ADGRV1: variants seen among roughly 807,000 people sequenced by gnomAD.
ADGRV1 encodes G-protein coupled receptor 98.
Under a neutral mutation model 596.2 loss-of-function variants are expected in ADGRV1, and 359 were observed. That is an observed-to-expected ratio of 0.60 (90% CI 0.55 to 0.66). The LOEUF is 0.66. Among genes scored for constraint, ADGRV1 ranks in the 30% least tolerant of loss-of-function variants. The probability of loss-of-function intolerance (pLI) is 0.00; values close to 1 mark genes in which losing one functional copy is unlikely to be tolerated. For synonymous variants in ADGRV1, 2,681 were observed against 2,679.2 expected (o/e 1.00, Z -0.02); for missense variants, 7,274 against 7,575.6 (o/e 0.96, Z 1.48).
At chr5:90,930,189 G>C (rs539434698) in intron 83 of ADGRV1, among the ~76,000 whole-genome samples, 11 of 152,206 alleles carry the variant, frequency 7.2e-5, no homozygotes, top group African/African-American at 2.4e-4. Flanking sequence ...TGATTTTGCT[G>C]CAACAGCCTC....
In ADGRV1 at chr5:90,781,588, G is replaced by A; in HGVS notation, c.13231+10G>A. On this transcript the variant is annotated intron_variant, in intron 65 of 89. Coordinates refer to ENST00000405460, the MANE Select transcript of ADGRV1 (RefSeq NM_032119.4). Reference sequence around the variant, plus strand: ...TATACTGCCTTCGAAGGTAGGTTCAGTCAGCTAGCTTGTAAGTAAGTTTAC... The same window carrying A: ...TATACTGCCTTCGAAGGTAGGTTCAATCAGCTAGCTTGTAAGTAAGTTTAC... The A allele has an allele frequency of 1.9e-6, 3 of 1,591,572 alleles. No homozygotes were observed. Among genetic ancestry groups the A allele is most frequent in the Non-Finnish European group, 2.6e-6 (3 of 1,167,200 alleles).
chr5:91,071,135 A>C (rs1461080392), intron 85 of ADGRV1, among the ~76,000 whole-genome samples: 1 of 152,096 alleles, frequency 6.6e-6, no homozygotes, highest in Non-Finnish European at 1.5e-5. Context: ...AGGAAATAGA[A>C]AGGGAGAGAA....
intron 87 of ADGRV1, among the ~76,000 whole-genome samples, chr5:91,149,011 T>C (rs1348794787): frequency 6.6e-6 from 1 of 152,228 alleles, no homozygotes; most frequent in African/African-American, 2.4e-5. Context: ...AATGGGTGTA[T>C]TTACCCAATG....
At chr5:90,579,408 G>T (rs1757677969) in intron 1 of ADGRV1, among the ~76,000 whole-genome samples, 1 of 152,156 alleles carries the variant, frequency 6.6e-6, no homozygotes, top group African/African-American at 2.4e-5. Flanking sequence ...CCATGTAGTT[G>T]TGTGGTTTTG....
chr5:90,864,405 G>A (rs998184820), intron 83 of ADGRV1, among the ~76,000 whole-genome samples: 2 of 152,108 alleles, frequency 1.3e-5, no homozygotes, highest in Non-Finnish European at 2.9e-5. Context: ...ACAGAAACCA[G>A]AACAAAAGAT....
rs749570754 is a variant in ADGRV1 at position 90,810,632 on chromosome 5, A to G, written c.15372A>G (p.Ile5124Met). The change falls in exon 74 of 90, where the codon ATA (isoleucine) becomes ATG (methionine). Residue 5124 changes from isoleucine (I) to methionine (M), a missense_variant. By Grantham distance (10) the Ile-to-Met change is conservative (BLOSUM62 1). Transcript: ENST00000405460. ...ATTTCAGTGTTGCAGTGATTACAATATTGGATAATGATGACCTGGCAGGAA... is the reference window on the plus strand; with the variant it reads ...ATTTCAGTGTTGCAGTGATTACAATGTTGGATAATGATGACCTGGCAGGAA... ...NLDFSVAVIT[I>M]LDNDDLAGMD... 1.2e-6 allele frequency: 2 copies of G among 1,613,962 alleles called. No individual in the cohort carries two copies. Among genetic ancestry groups the G allele is most frequent in the African/African-American group, 1.3e-5 (1 of 75,036 alleles).
intron 83 of ADGRV1, among the ~76,000 whole-genome samples, chr5:90,886,642 T>C (rs1374655794): frequency 6.6e-6 from 1 of 152,204 alleles, no homozygotes; most frequent in East Asian, 1.9e-4. Context: ...TGGTCTTATA[T>C]ACTCTGTTGC....
At chr5:91,101,873 C>T (rs949703561) in intron 86 of ADGRV1, among the ~76,000 whole-genome samples, 5 of 152,176 alleles carry the variant, frequency 3.3e-5, no homozygotes, top group African/African-American at 1.2e-4. Flanking sequence ...ATTTCGGGAG[C>T]ACACTACTGC....
chr5:90,700,721 C>T (rs1049958763), intron 34 of ADGRV1, among the ~76,000 whole-genome samples: 7 of 152,084 alleles, frequency 4.6e-5, no homozygotes, highest in African/African-American at 9.7e-5. Flanking sequence ...TATATAGAAC[C>T]GCTCTACTGG....
In ADGRV1 at chr5:90,627,526, A is replaced by G. The variant is rs1229636461; in HGVS notation, c.988A>G (p.Thr330Ala). The change falls in exon 7 of 90, where the codon ACT (threonine) becomes GCT (alanine). Residue 330 changes from threonine (T) to alanine (A), a missense_variant. This residue lies in a region of ADGRV1 where 1,715 missense variants were observed against 1,708.8 expected (regional missense o/e 1.00). Transcript: ENST00000405460. ...CTTCATTGATCTTCAGCCAAACACA[A>G]CTGTTGTTTTTCCACCTTTTATTCA... ...LDFIDLQPNT[T>A]VVFPPFIHES... is the part of the protein sequence containing the mutation. 1.2e-6 allele frequency: 2 copies of G among 1,613,858 alleles called. No homozygotes were observed. The highest frequency in any genetic ancestry group is 1.3e-5 in the African/African-American group (1 of 75,040).
intron 81 of ADGRV1, among the ~76,000 whole-genome samples, chr5:90,854,410 A>C (rs75561821): frequency 1.4e-3 from 213 of 152,288 alleles, no homozygotes; most frequent in African/African-American, 5.0e-3. Flanking sequence ...ATATGTGTGT[A>C]ACACATTATT....
At chr5:90,587,350 G>T (rs1398738196) in intron 1 of ADGRV1, among the ~76,000 whole-genome samples, 1 of 152,052 alleles carries the variant, frequency 6.6e-6, no homozygotes, top group African/African-American at 2.4e-5. Context: ...GATGGTTAGA[G>T]GCAAAAGTCT....
chr5:91,062,196 C>T (rs903457909), intron 85 of ADGRV1, among the ~76,000 whole-genome samples: 10 of 152,140 alleles, frequency 6.6e-5, no homozygotes, highest in African/African-American at 2.4e-4. Flanking sequence ...TTTCTCTGTT[C>T]ATTTATTCTG....
chr5:90,583,624 G>T (rs1758357360), intron 1 of ADGRV1, among the ~76,000 whole-genome samples: 1 of 151,850 alleles, frequency 6.6e-6, no homozygotes, highest in South Asian at 2.1e-4. Flanking sequence ...CATTACTTTT[G>T]TTCTGTTGAG....
chr5:91,121,776 T>C (rs2973444), intron 87 of ADGRV1, among the ~76,000 whole-genome samples: 16,615 of 152,100 alleles, frequency 0.11, 1,077 homozygotes, highest in African/African-American at 0.19. Context: ...TATTTTTTGG[T>C]TTATTTACTT....
Position 90,724,926 on chromosome 5 carries a change from TATA to T in ADGRV1, c.9846_9848del (p.Ile3282del). On this transcript the variant is annotated inframe_deletion, in exon 46 of 90. Transcript: ENST00000405460. ...TTACTTTGGAAAATTTAATATATGG[TATA>T]ATGTTAAGAAAATCATCTGTTACTG... The T allele has an allele frequency of 6.2e-7, 1 of 1,610,054 alleles. No homozygotes were observed. The highest frequency in any genetic ancestry group is 8.5e-7 in the Non-Finnish European group (1 of 1,177,258).
Position 90,690,807 on chromosome 5 carries a change from T to C in ADGRV1, c.6717T>C (p.Ile2239=). 3 of 1,594,598 alleles carry C rather than the reference T, an allele frequency of 1.9e-6. No homozygotes were observed. Among genetic ancestry groups the C allele is most frequent in the Middle Eastern group, 1.7e-4 (1 of 6,042 alleles). The change falls in exon 31 of 90, where the codon ATT becomes ATC. Residue 2239 remains isoleucine (I), a synonymous_variant. Transcript: ENST00000405460. ...DDPYGLFGFQ[I]TKLIVEEPEF... ...CTGTCTACCCTTCAGGTTTTCAGATTACTAAACTTATTGTAGAGGAACCTG... is the reference window on the plus strand; with the variant it reads ...CTGTCTACCCTTCAGGTTTTCAGATCACTAAACTTATTGTAGAGGAACCTG...
intron 85 of ADGRV1, among the ~76,000 whole-genome samples, chr5:91,051,537 A>ATTT (rs1192844206): frequency 9.8e-5 from 10 of 102,484 alleles, no homozygotes; most frequent in Admixed American, 2.5e-4. Context: ...TTGACTTAGG[A>ATTT]TTTTTTTTTT....
chr5:91,139,528 C>T (rs1029743364), intron 87 of ADGRV1, among the ~76,000 whole-genome samples: 5 of 152,196 alleles, frequency 3.3e-5, no homozygotes, highest in Admixed American at 6.5e-5. Context: ...TTCAGTATTT[C>T]TCTTCAAATG....
Sources: allele counts gnomAD v4.1 joint callset (sites outside exome capture counted in the v4.1 genomes callset), GRCh38; gene constraint gnomAD v4.1.1; regional missense constraint gnomAD v4.1.1; transcripts MANE v1.5; gene names NCBI Gene and HGNC (gene_info 2026-07-23, HGNC 2026-07-21).